The following CMTM4 variants were observed in gnomAD, a reference collection of about 807,000 sequenced individuals.
CMTM4 encodes CKLF like MARVEL transmembrane domain containing 4.
In CMTM4, 8 loss-of-function variants were observed where a neutral mutation model predicts 19.0. The ratio of observed to expected loss-of-function variants is 0.42; its 90% CI spans 0.25 to 0.76. The LOEUF (loss-of-function observed/expected upper bound fraction) is 0.76. CMTM4 is among the 30% of genes least tolerant of loss of function. The pLI is 0.27. For synonymous variants in CMTM4, 106 were observed against 121.1 expected, an observed-to-expected ratio of 0.88 and a Z score of 0.82; for missense variants, 228 against 290.2, an observed-to-expected ratio of 0.79 and a Z score of 1.56.
intron 1 of CMTM4, among the ~76,000 whole-genome samples, chr16:66,644,319 G>A (rs165205): frequency 0.049 from 7,427 of 152,290 alleles, 295 homozygotes; most frequent in East Asian, 0.11. Flanking sequence ...TCGAAACAAT[G>A]TAGTGGCAAC....
the CMTM4 span, among the ~76,000 whole-genome samples, chr16:66,602,403 GA>G: frequency 6.6e-6 from 1 of 151,526 alleles, no homozygotes; most frequent in Non-Finnish European, 1.5e-5. Flanking sequence ...TCTCAAGAAA[GA>G]AAAAAGAGAT....
In CMTM4 at chr16:66,618,820, T is replaced by C. The variant is rs2015573976; in HGVS notation, c.*3238A>G. 2.0e-6 allele frequency: 2 copies of C among 985,356 alleles called. No homozygotes were observed. The highest frequency in any genetic ancestry group is 4.7e-5 in the South Asian group (1 of 21,296). The allele number at this position is 985,356 out of a possible 1,614,324, so 61.0% of individuals were successfully genotyped here. Reference sequence around the variant, plus strand: ...TAGGGTGGAGGTCAGACACATTCCCTGGCTGCCCACAGGCGTGAGCCTTCC... The same window carrying C: ...TAGGGTGGAGGTCAGACACATTCCCCGGCTGCCCACAGGCGTGAGCCTTCC... On this transcript the variant is annotated 3_prime_UTR_variant, in exon 4 of 4. Transcript: ENST00000394106.
chr16:66,631,406 G>A (rs1407289166), intron 2 of CMTM4, among the ~76,000 whole-genome samples: 7 of 152,006 alleles, frequency 4.6e-5, no homozygotes, highest in East Asian at 1.9e-4. Context: ...CCCTCTGCCC[G>A]GCCACCACCC....
chr16:66,643,547 AC>A (rs2016135168), intron 1 of CMTM4, among the ~76,000 whole-genome samples: 1 of 152,218 alleles, frequency 6.6e-6, no homozygotes, highest in Admixed American at 6.5e-5. Context: ...AATTGTAAGT[AC>A]AGAATTCTAT....
the CMTM4 span, chr16:66,604,994 C>T: frequency 5.7e-6 from 8 of 1,414,498 alleles, no homozygotes; most frequent in African/African-American, 1.2e-4. Flanking sequence ...TAGGACTGCG[C>T]GGCTCCTTTC....
At chr16:66,625,316 C>T (rs1036044750) in intron 2 of CMTM4, among the ~76,000 whole-genome samples, 1 of 152,030 alleles carries the variant, frequency 6.6e-6, no homozygotes, top group African/African-American at 2.4e-5. Context: ...TGCCTGTAAT[C>T]CCAGCTACTC....
At chr16:66,684,445 G>A (rs1218782469) in intron 1 of CMTM4, among the ~76,000 whole-genome samples, 1 of 152,058 alleles carries the variant, frequency 6.6e-6, no homozygotes, top group African/African-American at 2.4e-5. Flanking sequence ...CCAAAGTGCT[G>A]GGATTACAGG....
chr16:66,669,223 T>G (rs1010377157), intron 1 of CMTM4, among the ~76,000 whole-genome samples: 1 of 152,172 alleles, frequency 6.6e-6, no homozygotes, highest in Non-Finnish European at 1.5e-5. Flanking sequence ...AAAGACAGTC[T>G]TAAAAGTACA....
Position 66,696,326 on chromosome 16 carries a change from C to T in CMTM4, c.186+14G>A, listed in dbSNP as rs753182787. 1 of 1,339,948 alleles carries T rather than the reference C, an allele frequency of 7.5e-7. No homozygotes were observed. Among genetic ancestry groups the T allele is most frequent in the South Asian group, 1.8e-5 (1 of 56,628 alleles). 83.0% of individuals were successfully genotyped at this position (1,339,948 alleles called of 1,614,324 possible). A position where few individuals can be genotyped will look rare whatever the true frequency, so the allele number is the denominator to read the frequency against. Reference sequence around the variant, plus strand: ...GGCCGCCCTCGGGCACCTGGGGCCCCGCCCGGCACCTACCACTTGGGCGAC... The same window carrying T: ...GGCCGCCCTCGGGCACCTGGGGCCCTGCCCGGCACCTACCACTTGGGCGAC... On this transcript the variant is annotated intron_variant, in intron 1 of 3. Coordinates refer to ENST00000394106, the MANE Select transcript of CMTM4 (RefSeq NM_181521.3). This position sits in a 1 kb window ranked among gnomAD's most constrained non-coding sequence, Gnocchi z 4.3.
intron 1 of CMTM4, among the ~76,000 whole-genome samples, chr16:66,688,712 C>T (rs999797588): frequency 1.3e-5 from 2 of 152,202 alleles, no homozygotes; most frequent in African/African-American, 4.8e-5. Flanking sequence ...TCGTATTAAA[C>T]CTATAGATCA....
chr16:66,664,676 T>A (rs560014649), intron 1 of CMTM4, among the ~76,000 whole-genome samples: 97 of 150,120 alleles, frequency 6.5e-4, no homozygotes, highest in African/African-American at 2.3e-3. Context: ...TATAAAGAGA[T>A]ACTAGTCAAA....
chr16:66,612,298 C>T (rs1393402284), downstream of CMTM4, among the ~76,000 whole-genome samples: 4 of 151,956 alleles, frequency 2.6e-5, no homozygotes, highest in Non-Finnish European at 2.9e-5. This position sits in a 1 kb window ranked among gnomAD's most constrained non-coding sequence, Gnocchi z 6.0. Context: ...CCCAGCTACT[C>T]GGGAGGGAGG....
At chr16:66,653,954 C>A (rs1276193242) in intron 1 of CMTM4, among the ~76,000 whole-genome samples, 1 of 151,882 alleles carries the variant, frequency 6.6e-6, no homozygotes, top group Non-Finnish European at 1.5e-5. Flanking sequence ...TTGGCCAGGC[C>A]GGTCTCAAAC....
chr16:66,612,722 C>T, downstream of CMTM4: 2 of 1,381,152 alleles, frequency 1.4e-6, no homozygotes, highest in Non-Finnish European at 2.0e-6. The surrounding 1 kb of genome is among the most constrained non-coding windows in gnomAD (Gnocchi z 6.0). Flanking sequence ...GGAGCGGAGG[C>T]CTGGACTTCT....
In CMTM4 at chr16:66,687,755, T is replaced by C. The variant is rs555466850; in HGVS notation, c.186+8585A>G. ...CAGGCTGGAGTGCAGTGGCGCAATC[T>C]TGGCTCACTGCAAGCTCCGCCTCCT... On this transcript the variant is annotated intron_variant, in intron 1 of 3. Transcript: ENST00000394106. Among the ~76,000 whole-genome samples, 190 of 150,314 alleles carry C rather than the reference T, an allele frequency of 1.3e-3. 1 individual carries two copies. The highest frequency in any genetic ancestry group is 3.8e-4 in the Non-Finnish European group (26 of 67,822).
In CMTM4 at chr16:66,618,915, G is replaced by C; in HGVS notation, c.*3143C>G. 1.0e-6 allele frequency: 1 copy of C among 985,558 alleles called. No individual in the cohort carries two copies. Among genetic ancestry groups the C allele is most frequent in the Middle Eastern group, 5.2e-4 (1 of 1,914 alleles). 61.1% of individuals were successfully genotyped at this position (985,558 alleles called of 1,614,324 possible). ...GGCTTCCCAGGGCCAAGCGCTCAGA[G>C]CTGGGCCGGACTTGCCCATGCTGGC... On this transcript the variant is annotated 3_prime_UTR_variant, in exon 4 of 4. Transcript: ENST00000394106.
rs191000167 is a variant in CMTM4 at position 66,684,379 on chromosome 16, G to T, written c.186+11961C>A. ...TTTAGTAGAGACTGGGTTTTACTAT[G>T]TTGGCCAGGCTGGTCTCAAACTCCT... On this transcript the variant is annotated intron_variant, in intron 1 of 3. Transcript: ENST00000394106. 2.4e-3 allele frequency among the ~76,000 whole-genome samples: 365 copies of T among 152,142 alleles called. 3 individuals are homozygous for T. The highest frequency in any genetic ancestry group is 5.9e-3 in the Admixed American group (90 of 15,274).
intron 1 of CMTM4, among the ~76,000 whole-genome samples, chr16:66,678,717 T>C (rs1746690130): frequency 6.6e-6 from 1 of 152,256 alleles, no homozygotes; most frequent in African/African-American, 2.4e-5. Context: ...TGTCTGCTCT[T>C]TGAATTTTCC....
At chr16:66,683,198 T>TATATATAC (rs2016969605) in intron 1 of CMTM4, among the ~76,000 whole-genome samples, 2 of 120,918 alleles carry the variant, frequency 1.7e-5, no homozygotes, top group African/African-American at 6.0e-5. Context: ...TATATACATA[T>TATATATAC]ATATATATAT....
Sources: allele counts gnomAD v4.1 joint callset (sites outside exome capture counted in the v4.1 genomes callset), GRCh38; gene constraint gnomAD v4.1.1; non-coding constraint Gnocchi (gnomAD v3.1); transcripts MANE v1.5; gene names NCBI Gene and HGNC (gene_info 2026-07-23, HGNC 2026-07-21).